DLGAP2: variants seen among roughly 807,000 people sequenced by gnomAD.
The protein encoded by DLGAP2 is DLG associated protein 2.
In DLGAP2, 26 loss-of-function variants were observed where a neutral mutation model predicts 100.3. That is an observed-to-expected ratio of 0.26 (90% CI 0.19 to 0.36). The LOEUF (loss-of-function observed/expected upper bound fraction) is 0.36. Ranked by LOEUF, DLGAP2 falls within the 10% of genes least tolerant of loss-of-function variation. DLGAP2 has a pLI of 1.00. For synonymous variants in DLGAP2, 886 were observed against 630.1 expected, an observed-to-expected ratio of 1.41 and a Z score of -6.08; for missense variants, 1,858 against 1,453.2, an observed-to-expected ratio of 1.28 and a Z score of -4.53.
At chr8:1,436,069 A>G (rs1484989162) in intron 3 of DLGAP2, among the ~76,000 whole-genome samples, 1 of 152,154 alleles carries the variant, frequency 6.6e-6, no homozygotes, top group African/African-American at 2.4e-5. Flanking sequence ...CTCTAGAGGG[A>G]CAGGACTAAT....
At chr8:1,083,287 G>T (rs111488833) in intron 2 of DLGAP2, among the ~76,000 whole-genome samples, 1,785 of 152,358 alleles carry the variant, frequency 0.012, 24 homozygotes, top group Middle Eastern at 0.02. Flanking sequence ...CCAAGGCCAA[G>T]CGTGGGACAT....
chr8:1,592,241 C>G (rs1424889412), intron 6 of DLGAP2, among the ~76,000 whole-genome samples: 2 of 152,238 alleles, frequency 1.3e-5, no homozygotes, highest in Non-Finnish European at 2.9e-5. Context: ...AGATCCTTCA[C>G]AAAATACGCC....
In DLGAP2 at chr8:1,272,421, T is replaced by G. The variant is rs144509178; in HGVS notation, c.106+13538T>G. 4.4e-4 allele frequency among the ~76,000 whole-genome samples: 67 copies of G among 152,126 alleles called. 1 individual carries two copies. The East Asian group carries it at 0.013, about 28-fold the overall frequency. On this transcript the variant is annotated intron_variant, in intron 3 of 14. Transcript: ENST00000637795. Reference sequence around the variant, plus strand: ...TAGATGTTTTATATATTTAGAAGTTTTGTATATAGAAGTTATGTACGTATC... The same window carrying G: ...TAGATGTTTTATATATTTAGAAGTTGTGTATATAGAAGTTATGTACGTATC...
At chr8:1,125,384 GTTTC>G (rs1424041908) in intron 2 of DLGAP2, among the ~76,000 whole-genome samples, 2 of 152,122 alleles carry the variant, frequency 1.3e-5, no homozygotes, top group African/African-American at 4.8e-5. Flanking sequence ...AAAAAAATGA[GTTTC>G]TTTCATTATG....
intron 2 of DLGAP2, among the ~76,000 whole-genome samples, chr8:1,115,203 A>T (rs1417420970): frequency 6.6e-6 from 1 of 152,226 alleles, no homozygotes; most frequent in Non-Finnish European, 1.5e-5. Flanking sequence ...GGTCTGTCAT[A>T]TGCATTTGGT....
intron 8 of DLGAP2, among the ~76,000 whole-genome samples, chr8:1,645,133 G>C (rs1484520492): frequency 6.6e-6 from 1 of 152,206 alleles, no homozygotes; most frequent in African/African-American, 2.4e-5. Flanking sequence ...GAATGAATCA[G>C]ATGAATGAAT....
At chr8:878,184 T>C (rs79281833) in intron 1 of DLGAP2, among the ~76,000 whole-genome samples, 1,618 of 152,226 alleles carry the variant, frequency 0.011, 27 homozygotes, top group African/African-American at 0.037. Flanking sequence ...TAAGTACTCA[T>C]GGGAAAAAGT....
intron 1 of DLGAP2, among the ~76,000 whole-genome samples, chr8:748,574 G>C (rs965716546): frequency 6.6e-6 from 1 of 152,184 alleles, no homozygotes; most frequent in Non-Finnish European, 1.5e-5. Context: ...CCGAGAGATA[G>C]AATATCTCGT....
At chr8:1,593,331 T>G (rs1486722335) in intron 6 of DLGAP2, among the ~76,000 whole-genome samples, 1 of 151,944 alleles carries the variant, frequency 6.6e-6, no homozygotes, top group Non-Finnish European at 1.5e-5. Context: ...GGCGGGCGCC[T>G]GTAGTCCCAG....
chr8:1,204,658 C>G (rs1797951983), intron 2 of DLGAP2, among the ~76,000 whole-genome samples: 1 of 152,126 alleles, frequency 6.6e-6, no homozygotes. Context: ...GCCAAAGAAC[C>G]CAGCCCATTT....
intron 2 of DLGAP2, among the ~76,000 whole-genome samples, chr8:1,242,973 A>C (rs1798831336): frequency 6.6e-6 from 1 of 152,134 alleles, no homozygotes; most frequent in East Asian, 1.9e-4. Context: ...TTCTCTGATG[A>C]CTCAAATATC....
chr8:1,555,586 C>G (rs1801937432), intron 5 of DLGAP2, among the ~76,000 whole-genome samples: 1 of 152,220 alleles, frequency 6.6e-6, no homozygotes, highest in South Asian at 2.1e-4. Flanking sequence ...CAGGGACCGT[C>G]TGCAGGAGTG....
chr8:1,437,813 CAA>C (rs59165125), intron 3 of DLGAP2, among the ~76,000 whole-genome samples: 1,693 of 85,214 alleles, frequency 0.02, 31 homozygotes, highest in African/African-American at 0.068. Context: ...ACTAAAAATA[CAA>C]AAAAAAAAAA....
chr8:880,901 C>A (rs948358424), intron 1 of DLGAP2, among the ~76,000 whole-genome samples: 1 of 152,230 alleles, frequency 6.6e-6, no homozygotes, highest in Non-Finnish European at 1.5e-5. Flanking sequence ...ACATAATGCC[C>A]TGATCTCCAC....
intron 3 of DLGAP2, among the ~76,000 whole-genome samples, chr8:1,498,413 T>C (rs12543006): frequency 0.014 from 2,159 of 151,928 alleles, 53 homozygotes; most frequent in East Asian, 0.11. Flanking sequence ...GGGATGGAAA[T>C]ATTTTTATTT....
chr8:805,661 G>T (rs1031789009), intron 1 of DLGAP2, among the ~76,000 whole-genome samples: 1 of 152,060 alleles, frequency 6.6e-6, no homozygotes, highest in Non-Finnish European at 1.5e-5. Flanking sequence ...AGGCTGGAGG[G>T]CAGTGGCACG....
At chr8:1,240,062 C>T (rs1299755053) in intron 2 of DLGAP2, among the ~76,000 whole-genome samples, 1 of 150,840 alleles carries the variant, frequency 6.6e-6, no homozygotes, top group African/African-American at 2.4e-5. Flanking sequence ...GGCGCCGTGT[C>T]TAGTTATCTC....
rs141225079 is a variant in DLGAP2, at chr8:1,482,316, C to T, written c.107-19050C>T. Among the ~76,000 whole-genome samples, 148 of 152,352 alleles carry T rather than the reference C, an allele frequency of 9.7e-4. 1 individual carries two copies. The highest frequency in any genetic ancestry group is 3.5e-3 in the African/African-American group (146 of 41,576). ...CTGGGCAGGACAGCACCGTGGTCAA[C>T]GCTGCACGAGGCTTGCCTTCCTCAG... is the stretch of plus-strand genomic sequence containing the variant. On this transcript the variant is annotated intron_variant, in intron 3 of 14. Coordinates refer to ENST00000637795, the MANE Select transcript of DLGAP2 (RefSeq NM_001346810.2).
intron 14 of DLGAP2, among the ~76,000 whole-genome samples, chr8:1,700,348 A>G (rs185894662): frequency 1.3e-5 from 2 of 152,296 alleles, no homozygotes; most frequent in East Asian, 3.9e-4. Context: ...CTGGCTACGG[A>G]GAGTCCCTGT....
Sources: allele counts gnomAD v4.1 joint callset (sites outside exome capture counted in the v4.1 genomes callset), GRCh38; gene constraint gnomAD v4.1.1; transcripts MANE v1.5; gene names NCBI Gene and HGNC (gene_info 2026-07-23, HGNC 2026-07-21).